Variants in MANBA observed in about 807,000 individuals in gnomAD.
The protein encoded by MANBA is mannosidase beta, also known as beta-mannosidase.
A neutral mutation model predicts 111.1 loss-of-function variants in MANBA; 83 were observed. The observed-to-expected ratio is 0.75, with a 90% confidence interval of 0.63 to 0.90. MANBA has a LOEUF of 0.90. Ranked by LOEUF, MANBA falls within the 40% of genes least tolerant of loss-of-function variation. The pLI, the probability that MANBA is intolerant of heterozygous loss-of-function variation, is 0.00. For synonymous variants in MANBA, 370 were observed against 378.7 expected, an observed-to-expected ratio of 0.98 and a Z score of 0.27; for missense variants, 1,036 against 1,069.0, an observed-to-expected ratio of 0.97 and a Z score of 0.43.
intron 7 of MANBA, among the ~76,000 whole-genome samples, chr4:102,678,820 G>A (rs945619071): frequency 1.8e-4 from 28 of 152,188 alleles, no homozygotes; most frequent in African/African-American, 6.0e-4. Context: ...TGATAAATAC[G>A]GTACTCCTCA....
rs1054029 is a variant in MANBA at position 102,631,896 on chromosome 4, G to A, written c.*161C>T. 364,797 of 695,908 alleles carry A rather than the reference G, an allele frequency of 0.52. 97,481 individuals carry two copies. The highest frequency in any genetic ancestry group is 0.67 in the Admixed American group (30,725 of 45,524). The allele number at this position is 695,908 out of a possible 1,614,324, so 43.1% of individuals were successfully genotyped here. On this transcript the variant is annotated 3_prime_UTR_variant, in exon 17 of 17. Transcript: ENST00000647097. Reference sequence around the variant, plus strand: ...CCTGGGTAAACAGCCTCCCCTGAAAGTGTTCAGTGTACAACTCTTCACAGA... The same window carrying A: ...CCTGGGTAAACAGCCTCCCCTGAAAATGTTCAGTGTACAACTCTTCACAGA...
At chr4:102,679,411 A>T (rs1476348218) in intron 7 of MANBA, among the ~76,000 whole-genome samples, 4 of 152,152 alleles carry the variant, frequency 2.6e-5, no homozygotes, top group Non-Finnish European at 5.9e-5. Flanking sequence ...GACATTAAAA[A>T]TTTTCTTTCC....
In MANBA at chr4:102,714,288, A is replaced by T. The variant is rs10014969; in HGVS notation, c.673+150T>A. On this transcript the variant is annotated intron_variant, in intron 5 of 16. Coordinates refer to ENST00000647097, the MANE Select transcript of MANBA (RefSeq NM_005908.4). ...CAATTTTCATGTAAAATCAGTTTGT[A>T]CCTATTTTTTACTTTTATAAATTGA... 1.5e-3 allele frequency: 1,082 copies of T among 739,354 alleles called. 8 individuals are homozygous for T. In the African/African-American group the frequency reaches 0.018, roughly 12 times the overall value. 45.8% of individuals were successfully genotyped at this position (739,354 alleles called of 1,614,324 possible).
At chr4:102,671,562 A>C (rs1731500546) in intron 8 of MANBA, among the ~76,000 whole-genome samples, 164 bp from the exon 9 acceptor site, 1 of 152,248 alleles carries the variant, frequency 6.6e-6, no homozygotes. Context: ...CACATTAACT[A>C]TAACCACATA....
chr4:102,657,928 G>A (rs374137275), intron 11 of MANBA, 28 bp from the exon 12 acceptor site: 1 of 1,421,404 alleles, frequency 7.0e-7, no homozygotes, highest in Non-Finnish European at 1.0e-6. Flanking sequence ...ATGAATTCAA[G>A]GATAATATAT....
intron 7 of MANBA, among the ~76,000 whole-genome samples, chr4:102,674,347 A>G (rs1350325142): frequency 6.6e-6 from 1 of 152,202 alleles, no homozygotes; most frequent in African/African-American, 2.4e-5. Context: ...GATAACATCA[A>G]AAAAGACAAT....
chr4:102,639,819 G>A lies in MANBA; in HGVS notation c.1908C>T (p.Phe636=). The change falls in exon 14 of 17, where the codon TTC becomes TTT. Residue 636 remains phenylalanine, a synonymous_variant. Transcript: ENST00000647097. The part of the protein sequence containing the change: ...QAQCVKTETE[F]YRRSRSEIVD... ...CTATCTCGCTGCGACTACGGCGGTA[G>A]AATTCAGTTTCTGTTTTGACACACT... is the stretch of plus-strand genomic sequence containing the variant. 6.2e-7 allele frequency: 1 copy of A among 1,614,102 alleles called. No homozygotes were observed. Among genetic ancestry groups the A allele is most frequent in the South Asian group, 1.1e-5 (1 of 91,086 alleles).
At chr4:102,700,175 G>A (rs1732953876) in intron 5 of MANBA, among the ~76,000 whole-genome samples, 1 of 150,324 alleles carries the variant, frequency 6.7e-6, no homozygotes, top group Admixed American at 6.6e-5. Flanking sequence ...TCTGATGGTA[G>A]TTTGTATTTC....
intron 7 of MANBA, among the ~76,000 whole-genome samples, chr4:102,676,730 G>A (rs757904337): frequency 6.6e-6 from 1 of 152,138 alleles, no homozygotes; most frequent in Non-Finnish European, 1.5e-5. Context: ...ATATACAAGA[G>A]GTGCTGAAAT....
intron 5 of MANBA, among the ~76,000 whole-genome samples, chr4:102,708,861 T>C (rs1560788339): frequency 6.6e-6 from 1 of 151,620 alleles, no homozygotes; most frequent in Non-Finnish European, 1.5e-5. Context: ...TATTATTATA[T>C]ACAAAATATA....
intron 1 of MANBA, among the ~76,000 whole-genome samples, chr4:102,742,149 A>G (rs1723425701): frequency 6.6e-6 from 1 of 151,956 alleles, no homozygotes; most frequent in South Asian, 2.1e-4. Flanking sequence ...CAACACTGTA[A>G]CTCCCTTCTT....
chr4:102,713,561 T>A (rs1210143609), intron 5 of MANBA, among the ~76,000 whole-genome samples: 2 of 152,242 alleles, frequency 1.3e-5, no homozygotes, highest in African/African-American at 4.8e-5. Context: ...TGCTCCTTGA[T>A]ATTGAATAGT....
intron 1 of MANBA, chr4:102,752,470 G>C: frequency 1.3e-6 from 1 of 764,070 alleles, no homozygotes; most frequent in Non-Finnish European, 2.4e-6. Context: ...AGGATCTTTA[G>C]ATAACATTGT....
chr4:102,662,305 G>T (rs938855661), intron 11 of MANBA, among the ~76,000 whole-genome samples: 3 of 152,100 alleles, frequency 2.0e-5, no homozygotes, highest in Non-Finnish European at 4.4e-5. Flanking sequence ...ACTTTCGGAG[G>T]CCGAGGTGGG....
chr4:102,756,461 T>G (rs1354426904), intron 1 of MANBA, among the ~76,000 whole-genome samples: 1 of 151,860 alleles, frequency 6.6e-6, no homozygotes, highest in Non-Finnish European at 1.5e-5. Context: ...CATCACACAC[T>G]GGGACCTGTC....
At chr4:102,726,504 A>AG (rs1722808191) in intron 2 of MANBA, 85 bp downstream of exon 2, 2 of 786,922 alleles carry the variant, frequency 2.5e-6, no homozygotes, top group African/African-American at 1.8e-5. Flanking sequence ...CAAAAAAAAA[A>AG]CAAACAAAAC....
chr4:102,669,346 A>C (rs1731383634), intron 9 of MANBA, among the ~76,000 whole-genome samples: 1 of 152,228 alleles, frequency 6.6e-6, no homozygotes, highest in African/African-American at 2.4e-5. Context: ...ACACAGAATG[A>C]GGCTTCCCTC....
intron 7 of MANBA, among the ~76,000 whole-genome samples, chr4:102,678,120 T>C (rs1731804927): frequency 6.6e-6 from 1 of 152,146 alleles, no homozygotes; most frequent in Non-Finnish European, 1.5e-5. Flanking sequence ...GTATTAACTA[T>C]ACAACATAAC....
chr4:102,691,555 C>T lies in MANBA; in HGVS notation c.674-784G>A, dbSNP rs550593015. On this transcript the variant is annotated intron_variant, in intron 5 of 16. Coordinates refer to ENST00000647097, the MANE Select transcript of MANBA (RefSeq NM_005908.4). ...TTGACACAGGTTCTCACTCTGTTGC[C>T]CCGGGAGTCACACAATCATAGCTCA... 1.4e-4 allele frequency among the ~76,000 whole-genome samples: 21 copies of T among 151,024 alleles called. 1 individual carries two copies. Among genetic ancestry groups the T allele is most frequent in the African/African-American group, 3.4e-4 (14 of 41,190 alleles).
Sources: allele counts gnomAD v4.1 joint callset (sites outside exome capture counted in the v4.1 genomes callset), GRCh38; gene constraint gnomAD v4.1.1; transcripts MANE v1.5; gene names NCBI Gene and HGNC (gene_info 2026-07-23, HGNC 2026-07-21).